The following ITGA8 variants were observed in gnomAD, a reference collection of about 807,000 sequenced individuals.
ITGA8 encodes integrin subunit alpha 8, also known as integrin alpha-8.
In ITGA8, 91 loss-of-function variants were observed where a neutral mutation model predicts 142.3. The observed-to-expected ratio is 0.64, with a 90% CI of 0.54 to 0.76. The LOEUF is 0.76. ITGA8 is among the 30% of genes least tolerant of loss of function. The pLI is 0.00. For synonymous variants in ITGA8, 505 were observed against 485.2 expected (o/e 1.04, Z -0.54); for missense variants, 1,406 against 1,327.7 (o/e 1.06, Z -0.92).
In ITGA8 at chr10:15,517,184, T is replaced by C; in HGVS notation, c.3166A>G (p.Thr1056Ala). The C allele has an allele frequency of 6.2e-7, 1 of 1,613,594 alleles. No individual in the cohort carries two copies. Among genetic ancestry groups the C allele is most frequent in the South Asian group, 1.1e-5 (1 of 91,062 alleles). Residue 1056 changes from threonine (T) to alanine (A), a missense_variant, in exon 30 of 30, where the codon ACA becomes GCA. Physicochemically the swap from Thr to Ala is moderately conservative, Grantham distance 58. Transcript: ENST00000378076. ...CATGCCTCAGGGGTCTTGTCATTTG[T>C]CAGCTGTTCCCTGTCGGTCATGTCC... ...QEDMTDREQL[T>A]NDKTPEA
At chr10:15,547,541 C>A (rs1833700754) in intron 27 of ITGA8, among the ~76,000 whole-genome samples, 1 of 152,190 alleles carries the variant, frequency 6.6e-6, no homozygotes, top group Admixed American at 6.5e-5. Flanking sequence ...TACTGCACTC[C>A]AGGCTGGGTA....
intron 29 of ITGA8, among the ~76,000 whole-genome samples, chr10:15,518,297 C>T (rs559318227): frequency 5.9e-5 from 9 of 152,338 alleles, no homozygotes; most frequent in South Asian, 2.1e-4. Flanking sequence ...TTTCTCAGAG[C>T]TACTGGAATA....
chr10:15,608,543 A>G (rs1588672647), intron 15 of ITGA8, among the ~76,000 whole-genome samples: 1 of 152,196 alleles, frequency 6.6e-6, no homozygotes, highest in Non-Finnish European at 1.5e-5. Flanking sequence ...TGATTTAATC[A>G]GTTGCTCAAT....
At chr10:15,637,504 A>ATTTTTTTTT (rs59157680) in intron 13 of ITGA8, among the ~76,000 whole-genome samples, 2 of 131,160 alleles carry the variant, frequency 1.5e-5, no homozygotes, top group Non-Finnish European at 1.7e-5. Flanking sequence ...GACTCTTTAA[A>ATTTTTTTTT]TTTTTTTTTT....
At chr10:15,608,077 A>G (rs1476863119) in intron 16 of ITGA8, among the ~76,000 whole-genome samples, 158 bp downstream of exon 16, 1 of 152,196 alleles carries the variant, frequency 6.6e-6, no homozygotes, top group Non-Finnish European at 1.5e-5. Context: ...AGTATTACCA[A>G]GTATTGAAGT....
intron 2 of ITGA8, among the ~76,000 whole-genome samples, chr10:15,690,623 A>G (rs1834917029): frequency 6.6e-6 from 1 of 152,218 alleles, no homozygotes; most frequent in African/African-American, 2.4e-5. Context: ...CCTGCAGTCC[A>G]TGTTGGACCC....
intron 23 of ITGA8, among the ~76,000 whole-genome samples, chr10:15,584,945 T>C (rs907449281): frequency 6.6e-6 from 1 of 151,992 alleles, no homozygotes; most frequent in African/African-American, 2.4e-5. Flanking sequence ...TCCCAGCTAC[T>C]GAGGAGGCTG....
At chr10:15,539,809 T>C (rs1351426401) in intron 27 of ITGA8, among the ~76,000 whole-genome samples, 2 of 152,178 alleles carry the variant, frequency 1.3e-5, no homozygotes, top group Non-Finnish European at 2.9e-5. Context: ...ATTACTGATA[T>C]GATTTGGCTG....
In ITGA8 at chr10:15,531,085, C is replaced by G; in HGVS notation, c.2947G>C (p.Asp983His). The G allele has an allele frequency of 6.3e-7, 1 of 1,582,258 alleles. No homozygotes were observed. Among genetic ancestry groups the G allele is most frequent in the Non-Finnish European group, 8.6e-7 (1 of 1,167,382 alleles). The change falls in exon 28 of 30, where the codon GAT becomes CAT. Residue 983 changes from aspartate to histidine, a missense_variant. Asp to His is a moderately conservative substitution (Grantham distance 81). Coordinates refer to ENST00000378076, the MANE Select transcript of ITGA8 (RefSeq NM_003638.3). ...CCTTCTGGGAGTTTTGCTGGCTGAT[C>G]TGTATAAGGCATCTTCTTAACTTCA... ...SFEVKKMPYT[D>H]QPAKLPEGSI... is the part of the protein sequence containing the mutation.
At chr10:15,599,975 T>C (rs1325071852) in intron 20 of ITGA8, among the ~76,000 whole-genome samples, 1 of 152,074 alleles carries the variant, frequency 6.6e-6, no homozygotes, top group Non-Finnish European at 1.5e-5. Flanking sequence ...GACCTAACAG[T>C]TGATGTTTGA....
chr10:15,682,169 G>A (rs139353286), intron 4 of ITGA8, among the ~76,000 whole-genome samples: 21 of 152,150 alleles, frequency 1.4e-4, no homozygotes, highest in South Asian at 1.2e-3. Flanking sequence ...CTTCTTTCTC[G>A]TCTTGCTGTA....
chr10:15,550,530 G>C (rs1452074128), intron 26 of ITGA8, among the ~76,000 whole-genome samples: 2 of 152,266 alleles, frequency 1.3e-5, no homozygotes, highest in East Asian at 3.9e-4. Flanking sequence ...AGAGGATTCT[G>C]GAGAAGACAA....
intron 20 of ITGA8, among the ~76,000 whole-genome samples, 172 bp from the exon 21 acceptor site, chr10:15,597,471 T>C (rs1257646875): frequency 6.6e-6 from 1 of 151,744 alleles, no homozygotes; most frequent in Non-Finnish European, 1.5e-5. Flanking sequence ...GAGAGAAAAG[T>C]AAAAGTTAAA....
chr10:15,601,700 C>T (rs145069323), intron 20 of ITGA8, among the ~76,000 whole-genome samples: 3 of 152,196 alleles, frequency 2.0e-5, no homozygotes, highest in African/African-American at 7.2e-5. Context: ...GCTGGCTCAA[C>T]TAAGGTTTCC....
chr10:15,615,159 C>A (rs780480683), intron 14 of ITGA8, among the ~76,000 whole-genome samples: 2 of 152,156 alleles, frequency 1.3e-5, no homozygotes, highest in African/African-American at 2.4e-5. Context: ...ATGAAAGTGG[C>A]GGATTGGAAG....
chr10:15,645,482 T>A (rs1304186405), intron 12 of ITGA8, among the ~76,000 whole-genome samples: 1 of 152,196 alleles, frequency 6.6e-6, no homozygotes, highest in African/African-American at 2.4e-5. Context: ...CTTTACAGAG[T>A]AGCAAGTCAC....
At position 15,597,252 on chromosome 10, in the gene ITGA8, C is replaced by A. The variant is rs752108158; in HGVS notation, c.2166G>T (p.Arg722Ser). The change falls in exon 21 of 30, where the codon AGG (arginine) becomes AGT (serine). Residue 722 changes from arginine to serine, a missense_variant. Coordinates refer to ENST00000378076, the MANE Select transcript of ITGA8 (RefSeq NM_003638.3). ...SCEYKMENVT[R>S]MVVCDLGNPM... ...GGTTCCCAAGGTCACACACCACCAT[C>A]CTGGTTACATTTTCCATCTTGTACT... 1.9e-6 allele frequency: 3 copies of A among 1,614,080 alleles called. No individual in the cohort carries two copies. Among genetic ancestry groups the A allele is most frequent in the Non-Finnish European group, 2.5e-6 (3 of 1,179,984 alleles).
At chr10:15,591,373 A>C (rs565897839) in intron 22 of ITGA8, among the ~76,000 whole-genome samples, 1 of 149,660 alleles carries the variant, frequency 6.7e-6, no homozygotes, top group East Asian at 1.9e-4. Flanking sequence ...ATTTATACTT[A>C]CTGAAAGGAA....
chr10:15,694,124 C>T (rs1834985298), intron 2 of ITGA8, among the ~76,000 whole-genome samples: 1 of 140,414 alleles, frequency 7.1e-6, no homozygotes, highest in African/African-American at 2.7e-5. Flanking sequence ...TATCATATAT[C>T]TATATTATAT....
Sources: gnomAD v4.1 joint callset for allele counts (sites outside exome capture counted in the v4.1 genomes callset) on GRCh38, gnomAD v4.1.1 for gene constraint, MANE v1.5 for transcripts, NCBI Gene and HGNC (gene_info 2026-07-23, HGNC 2026-07-21) for gene names.